TENT2: variants seen among roughly 807,000 people sequenced by gnomAD.
TENT2 encodes the protein poly(A) RNA polymerase GLD2.
Under a neutral mutation model 72.2 loss-of-function variants are expected in TENT2, and 44 were observed. The ratio of observed to expected loss-of-function variants is 0.61; its 90% CI spans 0.48 to 0.78. The LOEUF is 0.78. Ranked by LOEUF, TENT2 falls within the 30% of genes least tolerant of loss-of-function variation. The probability of loss-of-function intolerance (pLI) is 0.00; values close to 1 mark genes in which losing one functional copy is unlikely to be tolerated. For synonymous variants in TENT2, 212 were observed against 192.5 expected, an observed-to-expected ratio of 1.10 and a Z score of -0.84; for missense variants, 541 against 569.6, an observed-to-expected ratio of 0.95 and a Z score of 0.51.
chr5:79,657,100 A>T, intron 11 of TENT2, 99 bp downstream of exon 11: 2 of 762,036 alleles, frequency 2.6e-6, no homozygotes, highest in Non-Finnish European at 4.1e-6. Context: ...AGTAAGGCTA[A>T]GTACATGATA....
chr5:79,678,555 T>A (rs1024199685), intron 12 of TENT2, among the ~76,000 whole-genome samples: 20 of 152,274 alleles, frequency 1.3e-4, no homozygotes, highest in African/African-American at 4.1e-4. Context: ...TAAACCTTTT[T>A]AAAAAAATGT....
At chr5:79,627,297 G>A (rs1057152170) in intron 4 of TENT2, among the ~76,000 whole-genome samples, 2 of 152,178 alleles carry the variant, frequency 1.3e-5, no homozygotes, top group South Asian at 4.2e-4. Context: ...TCTGCATATG[G>A]AGTAGGCAAA....
intron 14 of TENT2, among the ~76,000 whole-genome samples, chr5:79,683,463 T>C (rs549360011): frequency 3.3e-4 from 50 of 152,170 alleles, no homozygotes; most frequent in Middle Eastern, 6.8e-3. Context: ...TGAGCTGTGA[T>C]TGTGCCACCG....
chr5:79,656,928 A>G (rs763835012), intron 10 of TENT2, 30 bp from the exon 11 acceptor site: 5 of 1,573,148 alleles, frequency 3.2e-6, no homozygotes, highest in African/African-American at 2.7e-5. Flanking sequence ...CACGTGAATC[A>G]CGGAAGCTTT....
intron 4 of TENT2, among the ~76,000 whole-genome samples, chr5:79,632,725 G>A (rs1482795340): frequency 6.6e-6 from 1 of 152,042 alleles, no homozygotes; most frequent in Non-Finnish European, 1.5e-5. Context: ...GAACAGTTTG[G>A]GGATAGTTAT....
chr5:79,683,783 A>G (rs1176072286), intron 14 of TENT2, among the ~76,000 whole-genome samples: 2 of 150,126 alleles, frequency 1.3e-5, no homozygotes, highest in Non-Finnish European at 3.0e-5. Flanking sequence ...AGCCGGGTGT[A>G]GTGGCGGGCG....
intron 4 of TENT2, among the ~76,000 whole-genome samples, chr5:79,627,383 T>A (rs1277344206): frequency 1.3e-5 from 2 of 152,206 alleles, no homozygotes; most frequent in Non-Finnish European, 2.9e-5. Flanking sequence ...CAGTTCTGTA[T>A]CGATAACATT....
chr5:79,630,075 C>T (rs1353694392), intron 4 of TENT2, among the ~76,000 whole-genome samples: 1 of 152,176 alleles, frequency 6.6e-6, no homozygotes, highest in Admixed American at 6.6e-5. Context: ...GCAGAGGTTG[C>T]AGTGAGCCAA....
chr5:79,639,978 C>T (rs1203313115), intron 4 of TENT2, among the ~76,000 whole-genome samples: 1 of 151,844 alleles, frequency 6.6e-6, no homozygotes, highest in East Asian at 1.9e-4. Context: ...GTGGTAGGGC[C>T]GGGTGTGATG....
chr5:79,639,383 A>G (rs1049619040), intron 4 of TENT2, among the ~76,000 whole-genome samples: 1 of 152,198 alleles, frequency 6.6e-6, no homozygotes, highest in African/African-American at 2.4e-5. Flanking sequence ...GGGCCAACCT[A>G]AGACTATAAA....
At chr5:79,677,683 A>G (rs1818265335) in intron 12 of TENT2, among the ~76,000 whole-genome samples, 1 of 152,254 alleles carries the variant, frequency 6.6e-6, no homozygotes, top group Admixed American at 6.5e-5. Flanking sequence ...GAAGGGATGC[A>G]AACTGTAGTA....
chr5:79,665,402 C>T (rs1051287848), intron 11 of TENT2, among the ~76,000 whole-genome samples: 3 of 152,112 alleles, frequency 2.0e-5, no homozygotes, highest in African/African-American at 7.2e-5. Flanking sequence ...GTCCACATTT[C>T]AGACTTTGAA....
At chr5:79,674,518 G>A (rs183966475) in intron 12 of TENT2, among the ~76,000 whole-genome samples, 107 of 152,268 alleles carry the variant, frequency 7.0e-4, no homozygotes, top group African/African-American at 2.5e-3. Flanking sequence ...ACTATAAAAG[G>A]TATTTGAGTT....
rs149819405 is a variant in TENT2, at chr5:79,672,837, C to G, written c.1208+3809C>G. Reference sequence around the variant, plus strand: ...GGGTATATGCCTAGGAGTGGGATTGCTGGATCATATGGTAGTTCTACTTTT... The same window carrying G: ...GGGTATATGCCTAGGAGTGGGATTGGTGGATCATATGGTAGTTCTACTTTT... On this transcript the variant is annotated intron_variant, in intron 12 of 14. Coordinates refer to ENST00000453514, the MANE Select transcript of TENT2 (RefSeq NM_001114394.3). Among the ~76,000 whole-genome samples, 33 of 152,296 alleles carry G rather than the reference C, an allele frequency of 2.2e-4. No individual in the cohort carries two copies. The East Asian group carries it at 6.4e-3, about 29-fold the overall frequency.
chr5:79,664,989 C>T (rs1378350019), intron 11 of TENT2, among the ~76,000 whole-genome samples: 1 of 152,158 alleles, frequency 6.6e-6, no homozygotes, highest in Non-Finnish European at 1.5e-5. Flanking sequence ...ATGTTATATA[C>T]TTACCTTGAT....
intron 4 of TENT2, among the ~76,000 whole-genome samples, chr5:79,631,084 A>G (rs964298703): frequency 1.3e-5 from 2 of 152,184 alleles, no homozygotes; most frequent in African/African-American, 4.8e-5. Flanking sequence ...CAATATCGAC[A>G]TTTTAGGCCA....
chr5:79,641,087 T>G lies in TENT2; in HGVS notation c.581-18T>G. On this transcript the variant is annotated intron_variant, in intron 5 of 14. Transcript: ENST00000453514. ...TTTAGATTTTAAATACTCTTATTAC[T>G]TTCTTCTGTTTCTTTAGAAAGCAGA... 6.4e-7 allele frequency: 1 copy of G among 1,555,548 alleles called. No homozygotes were observed. Among genetic ancestry groups the G allele is most frequent in the Non-Finnish European group, 8.6e-7 (1 of 1,157,976 alleles).
intron 12 of TENT2, among the ~76,000 whole-genome samples, chr5:79,673,725 G>C (rs1814888423): frequency 6.6e-6 from 1 of 152,008 alleles, no homozygotes; most frequent in Admixed American, 6.6e-5. Context: ...TTAAGATTGG[G>C]ATAACTTCAA....
chr5:79,687,100 T>G lies in TENT2; in HGVS notation c.*1827T>G, dbSNP rs568650895. On this transcript the variant is annotated 3_prime_UTR_variant, in exon 15 of 15. Coordinates refer to ENST00000453514, the MANE Select transcript of TENT2 (RefSeq NM_001114394.3). ...TGTGGGTTCCTTCACTGTCACTGTT[T>G]TCTCAGTTTTCAGTGGCCCCACACT... 6.8e-6 allele frequency among the ~76,000 whole-genome samples: 1 copy of G among 148,008 alleles called. No individual in the cohort carries two copies. The highest frequency in any genetic ancestry group is 2.2e-4 in the South Asian group (1 of 4,540).
Sources: gnomAD v4.1 joint callset for allele counts (sites outside exome capture counted in the v4.1 genomes callset) on GRCh38, gnomAD v4.1.1 for gene constraint, MANE v1.5 for transcripts, NCBI Gene and HGNC (gene_info 2026-07-23, HGNC 2026-07-21) for gene names.